Variants in PRORP observed in about 807,000 individuals in gnomAD.
PRORP encodes the protein mitochondrial ribonuclease P catalytic subunit.
A neutral mutation model predicts 59.4 loss-of-function variants in PRORP; 51 were observed. The observed-to-expected ratio is 0.86, with a 90% CI of 0.69 to 1.08. PRORP has a LOEUF of 1.08. PRORP is among the 50% of genes least tolerant of loss of function. PRORP has a pLI of 0.00. For missense variants in PRORP, 646 were observed against 690.3 expected (o/e 0.94, Z 0.72); for synonymous variants, 231 against 245.6 (o/e 0.94, Z 0.55).
intron 4 of PRORP, 142 bp downstream of exon 4, chr14:35,127,753 G>T (rs1290647924): frequency 1.3e-6 from 1 of 749,144 alleles, no homozygotes; most frequent in Admixed American, 2.9e-5. Context: ...TGCTGTTGTA[G>T]TTAAGACATC....
chr14:35,141,991 G>T (rs1261968924), intron 4 of PRORP, among the ~76,000 whole-genome samples: 2 of 145,072 alleles, frequency 1.4e-5, no homozygotes, highest in South Asian at 4.5e-4. Flanking sequence ...CGATTCTCCT[G>T]CCTCAGCCTC....
chr14:35,123,683 A>G lies in PRORP; in HGVS notation c.438A>G (p.Ser146=). The change falls in exon 2 of 8, where the codon TCA becomes TCG. Residue 146 remains serine, a synonymous_variant. Coordinates refer to ENST00000534898, the MANE Select transcript of PRORP (RefSeq NM_014672.4). The part of the protein sequence containing the change: ...GKTSFESWII[S]QMAGCHSSID... ...CCAGTTTCGAAAGTTGGATCATTTC[A>G]CAGATGGCTGGCTGTCATAGCTCTA... 1 of 1,614,216 alleles carries G rather than the reference A, an allele frequency of 6.2e-7. No individual in the cohort carries two copies. Among genetic ancestry groups the G allele is most frequent in the Non-Finnish European group, 8.5e-7 (1 of 1,180,040 alleles).
At chr14:35,121,987 A>G (rs752523638), upstream of PRORP, 1 of 1,614,020 alleles carries the variant, frequency 6.2e-7, no homozygotes. Context: ...CAGCTTCTGC[A>G]TTTGCTGTTT....
intron 5 of PRORP, among the ~76,000 whole-genome samples, chr14:35,205,877 C>T (rs2049280379): frequency 6.6e-6 from 1 of 152,120 alleles, no homozygotes; most frequent in Non-Finnish European, 1.5e-5. Context: ...TCCCTAATCT[C>T]CATGCTACCC....
chr14:35,149,513 C>A (rs144728802), intron 4 of PRORP, among the ~76,000 whole-genome samples: 5 of 152,164 alleles, frequency 3.3e-5, no homozygotes, highest in Non-Finnish European at 7.4e-5. Context: ...ATGACTGGCA[C>A]CTTGCATTTT....
chr14:35,255,639 A>G (rs1255793502), intron 5 of PRORP, among the ~76,000 whole-genome samples: 1 of 152,264 alleles, frequency 6.6e-6, no homozygotes, highest in South Asian at 2.1e-4. Flanking sequence ...TCAGCATCCC[A>G]GGTAGCTGGG....
At chr14:35,172,413 T>C (rs571878052) in intron 4 of PRORP, among the ~76,000 whole-genome samples, 153 of 77,424 alleles carry the variant, frequency 2.0e-3, no homozygotes, top group African/African-American at 6.5e-3. Context: ...GGTTTCTTTC[T>C]TTCCTTCCTT....
intron 4 of PRORP, among the ~76,000 whole-genome samples, chr14:35,147,886 T>G (rs2047649692): frequency 6.6e-6 from 1 of 152,246 alleles, no homozygotes; most frequent in African/African-American, 2.4e-5. Flanking sequence ...TGAGTTTTAT[T>G]TCAAGAAACC....
At chr14:35,267,978 G>A (rs6571708) in intron 6 of PRORP, among the ~76,000 whole-genome samples, 149,072 of 152,208 alleles carry the variant, frequency 0.98, 73,065 homozygotes, top group East Asian at 1. Flanking sequence ...TTTATTCTAA[G>A]TGTAGGGAGA....
intron 5 of PRORP, among the ~76,000 whole-genome samples, chr14:35,215,850 T>C (rs983295488): frequency 1.3e-5 from 2 of 151,408 alleles, no homozygotes; most frequent in African/African-American, 4.9e-5. Flanking sequence ...CACCACAGCC[T>C]CCACCTCCTG....
At chr14:35,137,979 T>A (rs2047409970) in intron 4 of PRORP, among the ~76,000 whole-genome samples, 1 of 145,850 alleles carries the variant, frequency 6.9e-6, no homozygotes, top group Non-Finnish European at 1.5e-5. Flanking sequence ...TTGCTAAAGC[T>A]GCTATTGCAA....
chr14:35,198,476 G>A (rs1490345193), intron 5 of PRORP, among the ~76,000 whole-genome samples: 1 of 152,212 alleles, frequency 6.6e-6, no homozygotes, highest in African/African-American at 2.4e-5. Context: ...GGAAGTTGGT[G>A]AGAAGACTAA....
intron 4 of PRORP, among the ~76,000 whole-genome samples, chr14:35,132,951 T>G (rs1397820159): frequency 6.6e-6 from 1 of 152,144 alleles, no homozygotes; most frequent in Non-Finnish European, 1.5e-5. Context: ...AGACGGAGTG[T>G]TGTTCTGTTG....
chr14:35,225,646 C>T (rs1435691184), intron 5 of PRORP, among the ~76,000 whole-genome samples: 1 of 151,914 alleles, frequency 6.6e-6, no homozygotes, highest in East Asian at 1.9e-4. Context: ...CGCGCCTGGC[C>T]CACTTGGTGT....
chr14:35,258,710 T>C (rs2050822037), intron 5 of PRORP, among the ~76,000 whole-genome samples: 1 of 152,160 alleles, frequency 6.6e-6, no homozygotes, highest in Admixed American at 6.6e-5. Flanking sequence ...TATTGGGTAC[T>C]CAGGAGGTAT....
chr14:35,272,307 G>A (rs1175313114), intron 7 of PRORP, among the ~76,000 whole-genome samples: 6 of 151,966 alleles, frequency 3.9e-5, no homozygotes, highest in East Asian at 3.9e-4. Context: ...ATTGTTATTC[G>A]TCAATTTAAA....
rs2048982419 is a variant in PRORP at position 35,195,360 on chromosome 14, G to A, written c.1275+14583G>A. On this transcript the variant is annotated intron_variant, in intron 5 of 7. Transcript: ENST00000534898. ...ACTGAGTACTGGAGGTGAGTTTACT[G>A]ACATAGAAAGGTACCCATGATACAT... 1.3e-5 allele frequency among the ~76,000 whole-genome samples: 2 copies of A among 151,886 alleles called. 1 individual carries two copies. Among genetic ancestry groups the A allele is most frequent in the South Asian group, 4.1e-4 (2 of 4,824 alleles).
intron 4 of PRORP, among the ~76,000 whole-genome samples, chr14:35,156,937 T>A (rs2047928097): frequency 6.7e-6 from 1 of 148,226 alleles, no homozygotes; most frequent in Admixed American, 6.9e-5. Context: ...TAATGGTAGT[T>A]CATTTTTTTC....
intron 4 of PRORP, among the ~76,000 whole-genome samples, chr14:35,143,351 G>A (rs1399301229): frequency 2.1e-5 from 3 of 144,428 alleles, no homozygotes; most frequent in Non-Finnish European, 3.1e-5. Context: ...TAGTAGAGAC[G>A]GGGTTTCACC....
Sources: allele counts gnomAD v4.1 joint callset (sites outside exome capture counted in the v4.1 genomes callset), GRCh38; gene constraint gnomAD v4.1.1; transcripts MANE v1.5; gene names NCBI Gene and HGNC (gene_info 2026-07-23, HGNC 2026-07-21).